CCDC136: variants seen among roughly 807,000 people sequenced by gnomAD.
CCDC136 encodes the protein coiled-coil domain-containing protein 136.
CCDC136 carries 100 observed loss-of-function variants against 141.2 expected under a neutral mutation model. That is an observed-to-expected ratio of 0.71 (90% CI 0.60 to 0.84). CCDC136 has a LOEUF of 0.84. Ranked by LOEUF, CCDC136 falls within the 40% of genes least tolerant of loss-of-function variation. The pLI is 0.00. For synonymous variants in CCDC136, 474 were observed against 531.9 expected, an observed-to-expected ratio of 0.89 and a Z score of 1.50; for missense variants, 1,206 against 1,379.4, an observed-to-expected ratio of 0.87 and a Z score of 1.99.
chr7:128,813,948 C>T (rs1449361504), intron 14 of CCDC136, among the ~76,000 whole-genome samples: 1 of 152,040 alleles, frequency 6.6e-6, no homozygotes, highest in East Asian at 1.9e-4. Flanking sequence ...TGCCATTGCA[C>T]TCCAGCCTGG....
chr7:128,806,603 C>T, intron 8 of CCDC136, 85 bp from the exon 9 acceptor site: 1 of 1,319,292 alleles, frequency 7.6e-7, no homozygotes, highest in Non-Finnish European at 1.0e-6. Context: ...AAATCTTAGA[C>T]TGTTGGTGTC....
Position 128,805,487 on chromosome 7 carries a change from G to A in CCDC136, c.911G>A (p.Arg304Gln), listed in dbSNP as rs776460413. 15 of 1,613,360 alleles carry A rather than the reference G, an allele frequency of 9.3e-6. No homozygotes were observed. Among genetic ancestry groups the A allele is most frequent in the East Asian group, 8.9e-5 (4 of 44,898 alleles). The change falls in exon 6 of 18, where the codon CGG becomes CAG. Residue 304 changes from arginine to glutamine, a missense_variant. Arg to Gln is a conservative substitution (Grantham distance 43). Transcript: ENST00000297788. This position sits in a 1 kb window ranked among gnomAD's most constrained non-coding sequence, Gnocchi z 4.6. The part of the protein sequence containing the change: ...PEMQLLRQQL[R>Q]DAEEQMHGMK... Reference sequence around the variant, plus strand: ...ATGCAGTTGTTACGGCAGCAGCTACGGGATGCTGAAGAGCAGATGCATGGC... The same window carrying A: ...ATGCAGTTGTTACGGCAGCAGCTACAGGATGCTGAAGAGCAGATGCATGGC...
rs138448964 is a variant in CCDC136 at position 128,804,514 on chromosome 7, T to C, written c.671-136T>C. ...TCCTGGGCCCTGTCTTCTAAGCCTC[T>C]ACCTTTTTTCTGTCTTTAGAAAAAG... On this transcript the variant is annotated intron_variant, in intron 4 of 17. Coordinates refer to ENST00000297788, the MANE Select transcript of CCDC136 (RefSeq NM_022742.5). 72 of 628,122 alleles carry C rather than the reference T, an allele frequency of 1.1e-4. No individual in the cohort carries two copies. The East Asian group carries it at 2.0e-3, about 17-fold the overall frequency. The allele number at this position is 628,122 out of a possible 1,614,324, so 38.9% of individuals were successfully genotyped here. A position where few individuals can be genotyped will look rare whatever the true frequency, so the allele number is the denominator to read the frequency against.
At chr7:128,808,840 G>C (rs1206065801) in intron 10 of CCDC136, 2 of 985,316 alleles carry the variant, frequency 2.0e-6, no homozygotes, top group Non-Finnish European at 1.2e-6. Flanking sequence ...CTGGCAGACA[G>C]CACCTGCTTT....
chr7:128,804,559 G>A (rs1804538139), intron 4 of CCDC136, 91 bp from the exon 5 acceptor site: 2 of 744,262 alleles, frequency 2.7e-6, no homozygotes, highest in East Asian at 5.5e-5. Context: ...TTAACCTTCT[G>A]CTCTCAGGTT....
chr7:128,802,398 G>A (rs901852207), intron 4 of CCDC136, among the ~76,000 whole-genome samples: 1 of 152,130 alleles, frequency 6.6e-6, no homozygotes, highest in Non-Finnish European at 1.5e-5. Context: ...TCTCAGAAGA[G>A]CCTTTAGATT....
In CCDC136 at chr7:128,812,245, A is replaced by G; in HGVS notation, c.2474A>G (p.Asp825Gly). The G allele has an allele frequency of 6.2e-7, 1 of 1,613,814 alleles. No individual in the cohort carries two copies. The highest frequency in any genetic ancestry group is 8.5e-7 in the Non-Finnish European group (1 of 1,179,810). ...AGTTACGGCAGCACCAGTAGCTCTGACACCTGCCAGAAGAGTTTTGTCAGC... is the reference window on the plus strand; with the variant it reads ...AGTTACGGCAGCACCAGTAGCTCTGGCACCTGCCAGAAGAGTTTTGTCAGC... ...KKSYGSTSSS[D>G]TCQKSFVSSC... The change falls in exon 13 of 18, where the codon GAC becomes GGC. Residue 825 changes from aspartate (D) to glycine (G), a missense_variant. Asp to Gly is a moderately conservative substitution (Grantham distance 94). Coordinates refer to ENST00000297788, the MANE Select transcript of CCDC136 (RefSeq NM_022742.5).
rs1807442484 is a variant in CCDC136, at chr7:128,821,585, AG to A, written c.*6-212del. On this transcript the variant is annotated intron_variant, in intron 17 of 17. Coordinates refer to ENST00000297788, the MANE Select transcript of CCDC136 (RefSeq NM_022742.5). This position sits in a 1 kb window ranked among gnomAD's most constrained non-coding sequence, Gnocchi z 5.1. Reference sequence around the variant, plus strand: ...TGGGGAGAAACGGAGGCCTGAATACAGGCGGTCACCTAAGGTGGTGCGTACA... The same window carrying A: ...TGGGGAGAAACGGAGGCCTGAATACAGCGGTCACCTAAGGTGGTGCGTACA... Among the ~76,000 whole-genome samples, 12 of 152,302 alleles carry A rather than the reference AG, an allele frequency of 7.9e-5. No individual in the cohort carries two copies. The South Asian group carries it at 2.5e-3, about 32-fold the overall frequency.
intron 4 of CCDC136, among the ~76,000 whole-genome samples, chr7:128,803,523 G>A (rs1181149895): frequency 5.9e-5 from 9 of 152,156 alleles, no homozygotes; most frequent in Admixed American, 2.0e-4. Flanking sequence ...TTGGTGGTGT[G>A]TGCCTGTAGT....
chr7:128,791,423 C>G, upstream of CCDC136: 1 of 1,160,534 alleles, frequency 8.6e-7, no homozygotes, highest in Non-Finnish European at 1.1e-6. The surrounding 1 kb of genome is among the most constrained non-coding windows in gnomAD (Gnocchi z 7.1). Flanking sequence ...CCCTGCGCAC[C>G]CGGCTCGGGT....
chr7:128,809,507 A>G lies in CCDC136; in HGVS notation c.1663A>G (p.Lys555Glu). The change falls in exon 11 of 18, where the codon AAG becomes GAG. Residue 555 changes from lysine to glutamate, a missense_variant. Transcript: ENST00000297788. Reference sequence around the variant, plus strand: ...GCAGGAAAAGTACAAGGCCAGCCAGAAGGAGATGGGGCAGCTGCAGATGGA... The same window carrying G: ...GCAGGAAAAGTACAAGGCCAGCCAGGAGGAGATGGGGCAGCTGCAGATGGA... ...ELQEKYKASQ[K>E]EMGQLQMEQC... 6.5e-7 allele frequency: 1 copy of G among 1,549,978 alleles called. No homozygotes were observed. The highest frequency in any genetic ancestry group is 8.7e-7 in the Non-Finnish European group (1 of 1,147,034).
intron 4 of CCDC136, among the ~76,000 whole-genome samples, chr7:128,802,124 G>T (rs761216592): frequency 2.8e-4 from 42 of 152,090 alleles, no homozygotes; most frequent in Non-Finnish European, 4.7e-4. Context: ...AGAAGCTTTG[G>T]GGGGCAACAA....
rs745433561 is a variant in CCDC136 at position 128,805,933 on chromosome 7, G to T, written c.1089+32G>T. On this transcript the variant is annotated intron_variant, in intron 7 of 17. Transcript: ENST00000297788. This position sits in a 1 kb window ranked among gnomAD's most constrained non-coding sequence, Gnocchi z 4.6. ...ACTGCCCGGGGAGGCATCTGGGGTG[G>T]GGGCAGAAGGGCCTCATGGAGGGGC... 2 of 1,612,050 alleles carry T rather than the reference G, an allele frequency of 1.2e-6. No homozygotes were observed. Among genetic ancestry groups the T allele is most frequent in the Non-Finnish European group, 8.5e-7 (1 of 1,179,104 alleles).
chr7:128,799,542 C>T (rs368979278), intron 3 of CCDC136, among the ~76,000 whole-genome samples: 9 of 151,520 alleles, frequency 5.9e-5, no homozygotes, highest in South Asian at 2.1e-4. Flanking sequence ...CTCTCTGCCT[C>T]GATAAAGCTT....
intron 10 of CCDC136, among the ~76,000 whole-genome samples, chr7:128,808,238 T>C (rs1340337474): frequency 6.6e-6 from 1 of 152,180 alleles, no homozygotes; most frequent in Non-Finnish European, 1.5e-5. Context: ...GGTTTCGCCA[T>C]GTTGGTCAGG....
chr7:128,792,170 G>T lies in CCDC136; in HGVS notation c.-242G>T, dbSNP rs1250814567. 3 of 1,439,188 alleles carry T rather than the reference G, an allele frequency of 2.1e-6. No individual in the cohort carries two copies. Among genetic ancestry groups the T allele is most frequent in the South Asian group, 1.5e-5 (1 of 68,424 alleles). 89.2% of individuals were successfully genotyped at this position (1,439,188 alleles called of 1,614,324 possible). A position where few individuals can be genotyped will look rare whatever the true frequency, so the allele number is the denominator to read the frequency against. On this transcript the variant is annotated 5_prime_UTR_variant, in exon 1 of 18. Transcript: ENST00000297788. ...GAGAGGTGGCCGAGAGAGAGGAGTC[G>T]CAGAGCCGCCAGAGTGAGTCAGGCA...
chr7:128,798,888 G>T (rs557533791), intron 3 of CCDC136, among the ~76,000 whole-genome samples: 13 of 152,102 alleles, frequency 8.5e-5, no homozygotes, highest in South Asian at 2.1e-4. Context: ...GAACTGGAAA[G>T]ATTGGCAAAA....
chr7:128,792,388 T>TG lies in CCDC136; in HGVS notation c.-19dup, dbSNP rs757748576. On this transcript the variant is annotated 5_prime_UTR_variant, in exon 1 of 18. Transcript: ENST00000297788. ...CTGTGAGAGGAAGAAGGGCCAACGCTGGGGGTCCCTGGAACGACGGGGGAT... is the reference window on the plus strand; with the variant it reads ...CTGTGAGAGGAAGAAGGGCCAACGCTGGGGGGTCCCTGGAACGACGGGGGAT... The TG allele has an allele frequency of 5.6e-6, 9 of 1,597,130 alleles. No individual in the cohort carries two copies. Among genetic ancestry groups the TG allele is most frequent in the Non-Finnish European group, 7.7e-6 (9 of 1,170,434 alleles).
At chr7:128,796,242 G>A (rs1266782583) in intron 3 of CCDC136, among the ~76,000 whole-genome samples, 3 of 152,158 alleles carry the variant, frequency 2.0e-5, no homozygotes, top group African/African-American at 7.2e-5. Flanking sequence ...TCATCTTTGA[G>A]AAGATGACAT....
Sources: gnomAD v4.1 joint callset for allele counts (sites outside exome capture counted in the v4.1 genomes callset) on GRCh38, gnomAD v4.1.1 for gene constraint, Gnocchi (gnomAD v3.1) non-coding constraint, MANE v1.5 for transcripts, NCBI Gene and HGNC (gene_info 2026-07-23, HGNC 2026-07-21) for gene names.